The following AFF3 variants were observed in gnomAD, a reference collection of about 807,000 sequenced individuals.
The protein encoded by AFF3 is AF4/FMR2 family member 3.
AFF3 carries 32 observed loss-of-function variants against 129.7 expected under a neutral mutation model. The ratio of observed to expected loss-of-function variants is 0.25; its 90% confidence interval spans 0.19 to 0.33. The LOEUF is 0.33. AFF3 is among the 10% of genes least tolerant of loss of function. The pLI is 1.00. For synonymous variants in AFF3, 644 were observed against 635.4 expected (o/e 1.01, Z -0.20); for missense variants, 1,373 against 1,592.0 (o/e 0.86, Z 2.34).
At chr2:99,792,458 AGAGT>A (rs1309600746) in intron 8 of AFF3, among the ~76,000 whole-genome samples, 4 of 150,660 alleles carry the variant, frequency 2.7e-5, no homozygotes, top group African/African-American at 9.8e-5. Flanking sequence ...CCTGAGTGAC[AGAGT>A]GAGACTCTGT....
At chr2:100,127,398 G>T (rs919485233) in intron 2 of AFF3, among the ~76,000 whole-genome samples, 5 of 152,264 alleles carry the variant, frequency 3.3e-5, no homozygotes, top group African/African-American at 1.2e-4. Context: ...GGAACACAAG[G>T]TTCAGAAAGG....
intron 7 of AFF3, among the ~76,000 whole-genome samples, chr2:99,893,690 C>T (rs112529000): frequency 0.017 from 2,651 of 152,248 alleles, 41 homozygotes; most frequent in South Asian, 0.052. Flanking sequence ...TACGGCAGCC[C>T]AATAATGCTC....
chr2:99,924,198 C>T (rs7600371), intron 7 of AFF3, among the ~76,000 whole-genome samples: 1,565 of 152,240 alleles, frequency 0.01, 25 homozygotes, highest in African/African-American at 0.036. Flanking sequence ...CTGGGGGATT[C>T]GGAAAATTTC....
chr2:99,854,526 G>A (rs1690382916), intron 7 of AFF3, among the ~76,000 whole-genome samples: 1 of 152,204 alleles, frequency 6.6e-6, no homozygotes, highest in Non-Finnish European at 1.5e-5. Context: ...ATAAGCAGTT[G>A]TGAAATTACA....
At chr2:99,988,294 G>C (rs1384460204) in intron 7 of AFF3, among the ~76,000 whole-genome samples, 1 of 152,190 alleles carries the variant, frequency 6.6e-6, no homozygotes, top group East Asian at 1.9e-4. Flanking sequence ...TCATCAGGCA[G>C]GGTGAGTAGA....
At chr2:99,561,340 T>A (rs1272228272) in intron 20 of AFF3, among the ~76,000 whole-genome samples, 2 of 152,238 alleles carry the variant, frequency 1.3e-5, no homozygotes, top group Non-Finnish European at 2.9e-5. Flanking sequence ...CTCCTCAACA[T>A]GCAGACTTGT....
intron 2 of AFF3, among the ~76,000 whole-genome samples, chr2:100,111,791 A>T (rs1691518469): frequency 6.6e-6 from 1 of 152,250 alleles, no homozygotes. Context: ...CTATAATAAG[A>T]TCGCAGAAGC....
intron 11 of AFF3, among the ~76,000 whole-genome samples, chr2:99,704,869 TAGC>T (rs1677206615): frequency 6.6e-6 from 1 of 152,130 alleles, no homozygotes; most frequent in Non-Finnish European, 1.5e-5. Context: ...CAAAAACTCT[TAGC>T]AGAAGGATTG....
intron 8 of AFF3, among the ~76,000 whole-genome samples, chr2:99,822,146 T>A (rs564868918): frequency 2.5e-4 from 38 of 152,184 alleles, no homozygotes; most frequent in Non-Finnish European, 4.6e-4. Context: ...TCAGTTTCCT[T>A]CTCTGTAAGA....
At chr2:99,567,499 G>T (rs946066395) in intron 19 of AFF3, among the ~76,000 whole-genome samples, 5 of 152,192 alleles carry the variant, frequency 3.3e-5, no homozygotes, top group Non-Finnish European at 5.9e-5. Context: ...GAGGCATCCA[G>T]TGCAAATGAG....
rs190720431 is a variant in AFF3 at position 100,071,757 on chromosome 2, T to C, written c.53+32645A>G. Among the ~76,000 whole-genome samples, 5 of 152,288 alleles carry C rather than the reference T, an allele frequency of 3.3e-5. No homozygotes were observed. The East Asian group carries it at 9.7e-4, about 29-fold the overall frequency. Reference sequence around the variant, plus strand: ...CCAAATTACGACATAAAGGGGCTGCTACTTTCTTTACAAAACCTCGGCTGT... The same window carrying C: ...CCAAATTACGACATAAAGGGGCTGCCACTTTCTTTACAAAACCTCGGCTGT... On this transcript the variant is annotated intron_variant, in intron 4 of 24. Coordinates refer to ENST00000672756, the MANE Select transcript of AFF3 (RefSeq NM_001386135.1).
intron 11 of AFF3, among the ~76,000 whole-genome samples, chr2:99,719,180 T>G (rs1678665355): frequency 6.6e-6 from 1 of 151,784 alleles, no homozygotes; most frequent in Non-Finnish European, 1.5e-5. Flanking sequence ...GCCAGAAGCT[T>G]TTTCTGCATC....
intron 13 of AFF3, among the ~76,000 whole-genome samples, chr2:99,632,844 A>C (rs551880504): frequency 1.5e-4 from 23 of 152,314 alleles, no homozygotes; most frequent in Non-Finnish European, 1.9e-4. Flanking sequence ...TTCCTTGTCT[A>C]TGAAAATATT....
chr2:100,076,265 A>C (rs1286055280), intron 4 of AFF3, among the ~76,000 whole-genome samples: 1 of 152,198 alleles, frequency 6.6e-6, no homozygotes, highest in Admixed American at 6.5e-5. Flanking sequence ...ATGCAGTGAC[A>C]ATTAAAATGT....
chr2:100,058,454 T>C (rs1027533492), intron 4 of AFF3, among the ~76,000 whole-genome samples: 5 of 152,176 alleles, frequency 3.3e-5, no homozygotes, highest in African/African-American at 1.2e-4. Context: ...ATATAAACAT[T>C]GTTGGTTAAG....
chr2:99,623,997 G>T (rs899063367), intron 13 of AFF3, among the ~76,000 whole-genome samples: 6 of 152,224 alleles, frequency 3.9e-5, no homozygotes, highest in African/African-American at 1.2e-4. Flanking sequence ...GCCAACCACA[G>T]AGCATTAAAC....
chr2:100,058,491 T>C lies in AFF3; in HGVS notation c.53+45911A>G, dbSNP rs149125279. ...GGATAGCAGACCTTTAATTAGCAAT[T>C]TTGAATGATGAAACAGCCACATAGG... On this transcript the variant is annotated intron_variant, in intron 4 of 24. Coordinates refer to ENST00000672756, the MANE Select transcript of AFF3 (RefSeq NM_001386135.1). 2.5e-3 allele frequency among the ~76,000 whole-genome samples: 380 copies of C among 152,334 alleles called. 2 individuals carry two copies. The highest frequency in any genetic ancestry group is 8.6e-3 in the African/African-American group (357 of 41,576).
chr2:99,611,340 T>C (rs1226738238), intron 13 of AFF3, among the ~76,000 whole-genome samples: 1 of 152,198 alleles, frequency 6.6e-6, no homozygotes, highest in African/African-American at 2.4e-5. Context: ...AAGTTGAGAT[T>C]TTCCAGGTTC....
chr2:99,891,328 G>A (rs374699659), intron 7 of AFF3, among the ~76,000 whole-genome samples: 1 of 152,140 alleles, frequency 6.6e-6, no homozygotes, highest in Non-Finnish European at 1.5e-5. Context: ...GGTGAAAGGC[G>A]TGTTCCCAGC....
Sources: allele counts gnomAD v4.1 joint callset (sites outside exome capture counted in the v4.1 genomes callset), GRCh38; gene constraint gnomAD v4.1.1; transcripts MANE v1.5; gene names NCBI Gene and HGNC (gene_info 2026-07-23, HGNC 2026-07-21).